The following SCAF8 variants were observed in gnomAD, a reference collection of about 807,000 sequenced individuals.
SCAF8 encodes SR-related and CTD-associated factor 8.
SCAF8 carries 23 observed loss-of-function variants against 140.5 expected under a neutral mutation model. The observed-to-expected ratio is 0.16, with a 90% CI of 0.12 to 0.23. SCAF8 has a LOEUF of 0.23. Ranked by LOEUF, SCAF8 falls within the 10% of genes least tolerant of loss-of-function variation. The pLI, the probability that SCAF8 is intolerant of heterozygous loss-of-function variation, is 1.00. For missense variants in SCAF8, 1,397 were observed against 1,555.7 expected, an observed-to-expected ratio of 0.90 and a Z score of 1.72; for synonymous variants, 575 against 528.9, an observed-to-expected ratio of 1.09 and a Z score of -1.20.
rs376622207 is a variant in SCAF8, at chr6:154,796,389, C to CTCTCTCTCTCTCTCTG, written c.606+1253_606+1254insCTCTCTCTCTCTGTCT. Among the ~76,000 whole-genome samples the CTCTCTCTCTCTCTCTG allele has an allele frequency of 9.6e-4, 135 of 141,042 alleles. 2 individuals are homozygous for CTCTCTCTCTCTCTCTG. Among genetic ancestry groups the CTCTCTCTCTCTCTCTG allele is most frequent in the African/African-American group, 3.1e-3 (113 of 36,366 alleles). 92.5% of individuals were successfully genotyped at this position (141,042 alleles called of 152,430 possible). A position where few individuals can be genotyped will look rare whatever the true frequency, so the allele number is the denominator to read the frequency against. On this transcript the variant is annotated intron_variant, in intron 6 of 19. Transcript: ENST00000367178. ...TCTCTCTCTCTCTCTCTCTCTCTCT[C>CTCTCTCTCTCTCTCTG]TCTGTCTCTCTCTTTTTCTGACCCT...
intron 9 of SCAF8, among the ~76,000 whole-genome samples, chr6:154,806,627 A>G (rs552367143): frequency 6.6e-6 from 1 of 152,288 alleles, no homozygotes; most frequent in Admixed American, 6.5e-5. Flanking sequence ...GTTATTTTAG[A>G]TGGAAGAGAT....
intron 1 of SCAF8, among the ~76,000 whole-genome samples, chr6:154,753,475 A>T (rs1035012200): frequency 1.3e-5 from 2 of 151,528 alleles, no homozygotes; most frequent in Non-Finnish European, 2.9e-5. Context: ...TCAAAAAAAT[A>T]AATTAAAAAA....
chr6:154,752,460 A>G (rs2114809611), intron 1 of SCAF8, among the ~76,000 whole-genome samples: 1 of 152,112 alleles, frequency 6.6e-6, no homozygotes, highest in East Asian at 1.9e-4. Context: ...CTAAACTTTT[A>G]TTCTTCTACT....
At chr6:154,758,167 C>T (rs1189981120) in intron 1 of SCAF8, among the ~76,000 whole-genome samples, 1 of 152,142 alleles carries the variant, frequency 6.6e-6, no homozygotes, top group Non-Finnish European at 1.5e-5. Flanking sequence ...CTGCCTTGGC[C>T]TCCCAAAGTG....
At position 154,832,304 on chromosome 6, in the gene SCAF8, C is replaced by T. The variant is rs761719794; in HGVS notation, c.2725C>T (p.Pro909Ser). 1.2e-6 allele frequency: 2 copies of T among 1,614,034 alleles called. No individual in the cohort carries two copies. Among genetic ancestry groups the T allele is most frequent in the Admixed American group, 1.7e-5 (1 of 60,010 alleles). The change falls in exon 20 of 20, where the codon CCC (proline) becomes TCC (serine). Residue 909 changes from proline (P) to serine (S), a missense_variant. Physicochemically the swap from Pro to Ser is moderately conservative, Grantham distance 74. Coordinates refer to ENST00000367178, the MANE Select transcript of SCAF8 (RefSeq NM_014892.5). ...GCCACCAGCTGGACCTCAAAACTTA[C>T]CCCCTTTAAGTATCCCTAATCAAAG... ...TQPPAGPQNL[P>S]PLSIPNQRMP... is the part of the protein sequence containing the mutation.
intron 1 of SCAF8, among the ~76,000 whole-genome samples, chr6:154,765,467 T>C (rs1776534852): frequency 6.6e-6 from 1 of 152,194 alleles, no homozygotes; most frequent in African/African-American, 2.4e-5. Flanking sequence ...GTTAACAAAA[T>C]TAAACACAAT....
chr6:154,747,949 ATGTT>A (rs1415971697), intron 1 of SCAF8, among the ~76,000 whole-genome samples: 1 of 148,980 alleles, frequency 6.7e-6, no homozygotes, highest in Non-Finnish European at 1.5e-5. Flanking sequence ...CTAGAAATGC[ATGTT>A]TGTTTTTCCT....
intron 1 of SCAF8, among the ~76,000 whole-genome samples, chr6:154,766,431 A>G (rs1322968710): frequency 6.6e-6 from 1 of 152,182 alleles, no homozygotes; most frequent in Non-Finnish European, 1.5e-5. Context: ...TTTGTGTCCT[A>G]AAAATAAATC....
intron 1 of SCAF8, among the ~76,000 whole-genome samples, chr6:154,747,908 G>A (rs1778743893): frequency 6.9e-6 from 1 of 144,356 alleles, no homozygotes; most frequent in African/African-American, 2.9e-5. Flanking sequence ...GTGTGTGTGT[G>A]TGTGTGTGTG....
intron 12 of SCAF8, among the ~76,000 whole-genome samples, chr6:154,811,149 C>T (rs940527518): frequency 1.3e-5 from 2 of 152,122 alleles, no homozygotes; most frequent in African/African-American, 4.8e-5. Context: ...ATTATCCTTG[C>T]TCTAGAAGTT....
rs1778503824 is a variant in SCAF8 at position 154,824,364 on chromosome 6, C to T, written c.2057C>T (p.Ser686Leu). ...TTTTTAAGAGCAAGTTTTAACCCTT[C>T]ACAACCACCACCTGGTAAGGAATTT... The part of the protein sequence containing the change: ...PPFLRASFNP[S>L]QPPPGFMPPP... The change falls in exon 17 of 20, where the codon TCA becomes TTA. Residue 686 changes from serine to leucine, a missense_variant. Ser to Leu is a moderately radical substitution (Grantham distance 145, BLOSUM62 -2). Coordinates refer to ENST00000367178, the MANE Select transcript of SCAF8 (RefSeq NM_014892.5). 6.2e-7 allele frequency: 1 copy of T among 1,612,986 alleles called. No homozygotes were observed. Among genetic ancestry groups the T allele is most frequent in the Non-Finnish European group, 8.5e-7 (1 of 1,179,410 alleles).
chr6:154,780,246 AT>A (rs1777047719), intron 3 of SCAF8, among the ~76,000 whole-genome samples: 1 of 152,070 alleles, frequency 6.6e-6, no homozygotes, highest in Non-Finnish European at 1.5e-5. Flanking sequence ...TCAAAATGTT[AT>A]ATAAATTGAA....
At position 154,831,637 on chromosome 6, in the gene SCAF8, T is replaced by TTCTAAGCA. The variant is rs377203447; in HGVS notation, c.2360-300_2360-293dup. 5.5e-3 allele frequency among the ~76,000 whole-genome samples: 825 copies of TTCTAAGCA among 148,968 alleles called. 14 individuals carry two copies. Among genetic ancestry groups the TTCTAAGCA allele is most frequent in the African/African-American group, 0.02 (782 of 39,896 alleles). On this transcript the variant is annotated intron_variant, in intron 19 of 19. Coordinates refer to ENST00000367178, the MANE Select transcript of SCAF8 (RefSeq NM_014892.5). ...TGACCTTGATGCCTGTTTGGGTCTC[T>TTCTAAGCA]TCTAAGCATACTTTTCTTTCCTTTC...
In SCAF8 at chr6:154,790,489, A is replaced by ATTTTTTTTTTTTTTTTTTTTTTT. The variant is rs57095332; in HGVS notation, c.322-2317_322-2295dup. On this transcript the variant is annotated intron_variant, in intron 4 of 19. Transcript: ENST00000367178. Reference sequence around the variant, plus strand: ...TTGTAAAACATATACATTTAACAGAATTTTTTTTTTTTTTTTTTTTTTTTT... The same window carrying ATTTTTTTTTTTTTTTTTTTTTTT: ...TTGTAAAACATATACATTTAACAGAATTTTTTTTTTTTTTTTTTTTTTTTTTTTTTTTTTTTTTTTTTTTTTTT... Among the ~76,000 whole-genome samples the ATTTTTTTTTTTTTTTTTTTTTTT allele has an allele frequency of 7.1e-5, 5 of 70,878 alleles. 1 individual carries two copies. Among genetic ancestry groups the ATTTTTTTTTTTTTTTTTTTTTTT allele is most frequent in the Non-Finnish European group, 1.1e-4 (4 of 37,996 alleles). 46.5% of individuals were successfully genotyped at this position (70,878 alleles called of 152,430 possible). A position where few individuals can be genotyped will look rare whatever the true frequency, so the allele number is the denominator to read the frequency against.
In SCAF8 at chr6:154,806,506, G is replaced by A. The variant is rs77249551; in HGVS notation, c.981+1020G>A. Among the ~76,000 whole-genome samples the A allele has an allele frequency of 5.9e-3, 901 of 152,272 alleles. 1 individual carries two copies. The highest frequency in any genetic ancestry group is 0.01 in the Non-Finnish European group (688 of 68,002). On this transcript the variant is annotated intron_variant, in intron 9 of 19. Transcript: ENST00000367178. ...AACAGAAATGAGGTTGTGGCATCAG[G>A]TAACCTCTTCTCTAATGGAGCACGT...
intron 13 of SCAF8, 42 bp from the exon 14 acceptor site, chr6:154,818,434 AGTT>A: frequency 2.1e-6 from 2 of 972,952 alleles, no homozygotes; most frequent in Non-Finnish European, 3.1e-6. Context: ...TACCAGAATG[AGTT>A]TCTGTTCTTA....
At chr6:154,783,612 G>C (rs1301317200) in intron 3 of SCAF8, among the ~76,000 whole-genome samples, 4 of 152,214 alleles carry the variant, frequency 2.6e-5, no homozygotes, top group African/African-American at 9.6e-5. Flanking sequence ...TTATCATCAT[G>C]AAAGTTTTTT....
chr6:154,768,291 C>G (rs1204998737), intron 1 of SCAF8, among the ~76,000 whole-genome samples: 1 of 152,194 alleles, frequency 6.6e-6, no homozygotes, highest in Non-Finnish European at 1.5e-5. Context: ...TTCAGCATCA[C>G]TAGTGCCACT....
Position 154,733,419 on chromosome 6 carries a change from T to C in SCAF8, c.-482T>C. 2 of 1,403,640 alleles carry C rather than the reference T, an allele frequency of 1.4e-6. No individual in the cohort carries two copies. The highest frequency in any genetic ancestry group is 3.1e-5 in the East Asian group (1 of 32,734). The allele number at this position is 1,403,640 out of a possible 1,614,324, so 86.9% of individuals were successfully genotyped here. On this transcript the variant is annotated 5_prime_UTR_variant, in exon 1 of 20. Transcript: ENST00000367178. ...CGCGGCCCGACTCGAGTCCGCCATA[T>C]TGGATGCCGCAGCCGCTGCTGCCAG...
Sources: allele counts gnomAD v4.1 joint callset (sites outside exome capture counted in the v4.1 genomes callset), GRCh38; gene constraint gnomAD v4.1.1; transcripts MANE v1.5; gene names NCBI Gene and HGNC (gene_info 2026-07-23, HGNC 2026-07-21).